Variants in LINGO2 observed in about 807,000 individuals in gnomAD.
LINGO2 encodes leucine-rich repeat and immunoglobulin-like domain-containing nogo receptor-interacting protein 2.
Under a neutral mutation model 30.6 loss-of-function variants are expected in LINGO2, and 14 were observed. That is an observed-to-expected ratio of 0.46 (90% confidence interval 0.30 to 0.72). The LOEUF is 0.72. Among genes scored for constraint, LINGO2 ranks in the 30% least tolerant of loss-of-function variants. The pLI is 0.07. For synonymous variants in LINGO2, 317 were observed against 288.5 expected (o/e 1.10, Z -1.00); for missense variants, 729 against 751.7 (o/e 0.97, Z 0.35).
the LINGO2 span, among the ~76,000 whole-genome samples, chr9:28,822,089 C>T: frequency 6.6e-6 from 1 of 152,122 alleles, no homozygotes; most frequent in Non-Finnish European, 1.5e-5. Context: ...TGGCCGAACT[C>T]TTTATTTTCT....
chr9:29,036,417 TAATG>T, the LINGO2 span, among the ~76,000 whole-genome samples: 1 of 151,884 alleles, frequency 6.6e-6, no homozygotes, highest in Non-Finnish European at 1.5e-5. Context: ...AGAAAAAAAA[TAATG>T]AATCATTGTA....
At chr9:29,131,649 T>C in the LINGO2 span, among the ~76,000 whole-genome samples, 3 of 152,066 alleles carry the variant, frequency 2.0e-5, no homozygotes, top group Non-Finnish European at 4.4e-5. Context: ...CCATTTTGTA[T>C]CAAGAGAAGC....
intron 4 of LINGO2, among the ~76,000 whole-genome samples, chr9:28,108,595 C>T (rs1826669057): frequency 6.6e-6 from 1 of 152,002 alleles, no homozygotes; most frequent in African/African-American, 2.4e-5. Flanking sequence ...AGCTAGAGGC[C>T]TCTTAGTACT....
At chr9:29,060,342 C>T in the LINGO2 span, among the ~76,000 whole-genome samples, 1 of 152,078 alleles carries the variant, frequency 6.6e-6, no homozygotes, top group Admixed American at 6.6e-5. Context: ...CCTGGACTCA[C>T]TGCTGAGCTG....
chr9:28,004,717 G>A (rs1822173571), intron 5 of LINGO2, among the ~76,000 whole-genome samples: 1 of 152,130 alleles, frequency 6.6e-6, no homozygotes, highest in East Asian at 1.9e-4. Flanking sequence ...TCAAGAGAAA[G>A]CAAAATTGGG....
intron 3 of LINGO2, among the ~76,000 whole-genome samples, chr9:28,336,102 T>A (rs1261299107): frequency 6.6e-6 from 1 of 152,164 alleles, no homozygotes; most frequent in Non-Finnish European, 1.5e-5. Flanking sequence ...ACATTTGGTA[T>A]TATCTTTAAT....
intron 3 of LINGO2, among the ~76,000 whole-genome samples, chr9:28,352,533 T>C (rs1301652225): frequency 3.0e-5 from 4 of 134,824 alleles, no homozygotes; most frequent in South Asian, 2.7e-4. Flanking sequence ...CATTCCATGC[T>C]CATGGGTAGG....
chr9:28,606,537 A>G (rs1412381989), intron 1 of LINGO2, among the ~76,000 whole-genome samples: 1 of 152,062 alleles, frequency 6.6e-6, no homozygotes, highest in East Asian at 1.9e-4. Context: ...TAAGGATAAT[A>G]CAGACTGAGG....
intron 1 of LINGO2, among the ~76,000 whole-genome samples, chr9:28,524,877 T>A (rs1249409475): frequency 6.6e-6 from 1 of 152,094 alleles, no homozygotes; most frequent in African/African-American, 2.4e-5. Context: ...AGGTAAAGAA[T>A]ATGAATAGGT....
chr9:28,368,190 G>A lies in LINGO2; in HGVS notation c.-246+4646C>T, dbSNP rs1463559752. Among the ~76,000 whole-genome samples, 3 of 151,562 alleles carry A rather than the reference G, an allele frequency of 2.0e-5. No homozygotes were observed. In the East Asian group the frequency reaches 5.8e-4, roughly 29 times the overall value. On this transcript the variant is annotated intron_variant, in intron 3 of 5. Coordinates refer to ENST00000379992, the Ensembl canonical transcript of LINGO2. Reference sequence around the variant, plus strand: ...GCATTGTCTTATTTTTTTTCTGTTTGTATTGGTGTTCTTCTTTCATGGTGT... The same window carrying A: ...GCATTGTCTTATTTTTTTTCTGTTTATATTGGTGTTCTTCTTTCATGGTGT...
intron 2 of LINGO2, among the ~76,000 whole-genome samples, chr9:28,402,458 G>A (rs1822311979): frequency 6.6e-6 from 1 of 152,074 alleles, no homozygotes; most frequent in African/African-American, 2.4e-5. Flanking sequence ...AACAGCGAAT[G>A]ACAAGTATAA....
intron 4 of LINGO2, among the ~76,000 whole-genome samples, chr9:28,244,341 T>C (rs1365847795): frequency 3.9e-5 from 6 of 152,066 alleles, no homozygotes; most frequent in South Asian, 2.1e-4. Context: ...AAGAGGGAAA[T>C]TGATAGCACT....
the LINGO2 span, among the ~76,000 whole-genome samples, chr9:29,066,776 T>A: frequency 2.0e-5 from 3 of 151,920 alleles, no homozygotes; most frequent in Non-Finnish European, 4.4e-5. Flanking sequence ...AAATATAGTA[T>A]GATCATTGTC....
At chr9:28,521,881 C>G (rs1195781183) in intron 1 of LINGO2, among the ~76,000 whole-genome samples, 1 of 152,064 alleles carries the variant, frequency 6.6e-6, no homozygotes, top group Non-Finnish European at 1.5e-5. Flanking sequence ...AAGGTGGAGA[C>G]AGGTTGGAAT....
intron 4 of LINGO2, among the ~76,000 whole-genome samples, chr9:28,089,315 G>A (rs951693864): frequency 6.6e-6 from 1 of 152,158 alleles, no homozygotes; most frequent in African/African-American, 2.4e-5. Context: ...ACAGTTGGAA[G>A]TAAAGTACAT....
At chr9:28,517,045 C>T (rs1013729118) in intron 1 of LINGO2, among the ~76,000 whole-genome samples, 4 of 152,196 alleles carry the variant, frequency 2.6e-5, no homozygotes, top group Admixed American at 6.5e-5. Context: ...TGGCGAATAT[C>T]ACTTAGGCCC....
chr9:28,439,025 C>G (rs934778172), intron 2 of LINGO2, among the ~76,000 whole-genome samples: 24 of 144,066 alleles, frequency 1.7e-4, no homozygotes, highest in Admixed American at 6.3e-4. Flanking sequence ...ATACAGATAT[C>G]TATACATTAT....
At chr9:28,872,936 G>A in the LINGO2 span, among the ~76,000 whole-genome samples, 39 of 151,986 alleles carry the variant, frequency 2.6e-4, no homozygotes, top group Non-Finnish European at 5.3e-4. Context: ...TTCTACCTGA[G>A]GATTAGGATT....
In LINGO2 at chr9:28,282,049, C is replaced by A. The variant is rs138884312; in HGVS notation, c.-87+13159G>T. ...AAATTATGCCCCTGAATAAATCTCACAAAGCATGCCAGATGTAGAGGCCAG... is the reference window on the plus strand; with the variant it reads ...AAATTATGCCCCTGAATAAATCTCAAAAAGCATGCCAGATGTAGAGGCCAG... On this transcript the variant is annotated intron_variant, in intron 4 of 5. Transcript: ENST00000379992. 5.3e-4 allele frequency among the ~76,000 whole-genome samples: 81 copies of A among 152,194 alleles called. 3 individuals carry two copies. The South Asian group carries it at 0.01, about 19-fold the overall frequency.
Sources: gnomAD v4.1 joint callset for allele counts (sites outside exome capture counted in the v4.1 genomes callset) on GRCh38, gnomAD v4.1.1 for gene constraint, MANE v1.5 for transcripts, NCBI Gene and HGNC (gene_info 2026-07-23, HGNC 2026-07-21) for gene names.